PLCL1: variants seen among roughly 807,000 people sequenced by gnomAD.
The protein encoded by PLCL1 is inactive phospholipase C-like protein 1.
A neutral mutation model predicts 84.4 loss-of-function variants in PLCL1; 41 were observed. The ratio of observed to expected loss-of-function variants is 0.49; its 90% confidence interval spans 0.38 to 0.63. The LOEUF is 0.63. Ranked by LOEUF, PLCL1 falls within the 30% of genes least tolerant of loss-of-function variation. The pLI is 0.00. For missense variants in PLCL1, 1,206 were observed against 1,367.8 expected, an observed-to-expected ratio of 0.88 and a Z score of 1.87; for synonymous variants, 490 against 488.3, an observed-to-expected ratio of 1.00 and a Z score of -0.05.
chr2:198,030,732 G>A (rs1029543059), intron 1 of PLCL1, among the ~76,000 whole-genome samples: 2 of 152,162 alleles, frequency 1.3e-5, no homozygotes. Flanking sequence ...GCAGCATAGA[G>A]AGCTTAGTGG....
chr2:198,136,273 A>T (rs1694254316), intron 5 of PLCL1, among the ~76,000 whole-genome samples: 1 of 152,134 alleles, frequency 6.6e-6, no homozygotes, highest in South Asian at 2.1e-4. Flanking sequence ...AAGAATTTAG[A>T]GGTATTATCT....
intron 1 of PLCL1, among the ~76,000 whole-genome samples, chr2:197,927,049 G>A (rs1574952840): frequency 6.6e-6 from 1 of 152,310 alleles, no homozygotes; most frequent in East Asian, 1.9e-4. Flanking sequence ...TTCCAAGAGT[G>A]AGTGCTCAAA....
chr2:197,873,728 A>C (rs1331856820), intron 1 of PLCL1, among the ~76,000 whole-genome samples: 1 of 152,160 alleles, frequency 6.6e-6, no homozygotes, highest in Non-Finnish European at 1.5e-5. Context: ...CCTCACCAAT[A>C]TATCAGGCCA....
intron 1 of PLCL1, among the ~76,000 whole-genome samples, chr2:197,855,028 T>C (rs1005635397): frequency 2.0e-5 from 3 of 152,210 alleles, no homozygotes; most frequent in Non-Finnish European, 4.4e-5. Flanking sequence ...CTTGTGTTAG[T>C]TGAGGCCCTC....
intron 1 of PLCL1, among the ~76,000 whole-genome samples, chr2:197,853,053 A>G (rs1369475804): frequency 2.0e-5 from 3 of 152,064 alleles, no homozygotes; most frequent in East Asian, 1.9e-4. Context: ...GGTGGCCACT[A>G]TTCTGCTTTC....
intron 3 of PLCL1, among the ~76,000 whole-genome samples, chr2:198,094,802 A>G (rs531097252): frequency 6.6e-6 from 1 of 152,204 alleles, no homozygotes; most frequent in East Asian, 1.9e-4. Flanking sequence ...AAAGAATTGC[A>G]ATTTGCTTAC....
intron 1 of PLCL1, among the ~76,000 whole-genome samples, chr2:197,885,319 C>T (rs1270851653): frequency 6.6e-6 from 1 of 152,050 alleles, no homozygotes; most frequent in Non-Finnish European, 1.5e-5. Flanking sequence ...AGTCTGAGTC[C>T]GAAGGCTGAG....
chr2:197,877,584 A>C (rs1687758789), intron 1 of PLCL1, among the ~76,000 whole-genome samples: 1 of 152,140 alleles, frequency 6.6e-6, no homozygotes, highest in South Asian at 2.1e-4. Context: ...ATATTTTACC[A>C]AGTGAATGGT....
At chr2:198,047,335 C>G (rs1691830917) in intron 1 of PLCL1, among the ~76,000 whole-genome samples, 1 of 152,128 alleles carries the variant, frequency 6.6e-6, no homozygotes, top group Non-Finnish European at 1.5e-5. Context: ...AGGTGCACGC[C>G]ACCAGGCCCA....
chr2:198,148,290 A>G lies in PLCL1; in HGVS notation c.*1328A>G, dbSNP rs557815411. 3.3e-5 allele frequency: 5 copies of G among 152,496 alleles called. No individual in the cohort carries two copies. The South Asian group carries it at 1.0e-3, about 32-fold the overall frequency. The allele number at this position is 152,496 out of a possible 1,614,324, so 9.4% of individuals were successfully genotyped here. ...AATTTGGGGAAACCTAGAGAAGATA[A>G]TTGTTGAAATTTTGCAAATATAAAC... is the stretch of plus-strand genomic sequence containing the variant. On this transcript the variant is annotated 3_prime_UTR_variant, in exon 6 of 6. Coordinates refer to ENST00000428675, the MANE Select transcript of PLCL1 (RefSeq NM_006226.4).
intron 1 of PLCL1, among the ~76,000 whole-genome samples, chr2:197,976,742 C>T (rs1391226915): frequency 1.3e-5 from 2 of 152,156 alleles, no homozygotes; most frequent in Admixed American, 6.5e-5. Flanking sequence ...CCACTGTGCC[C>T]GGCCAAAGAA....
intron 1 of PLCL1, among the ~76,000 whole-genome samples, chr2:198,034,379 A>G (rs996715843): frequency 1.3e-5 from 2 of 152,232 alleles, no homozygotes; most frequent in Admixed American, 6.5e-5. Flanking sequence ...TACTGGGTAT[A>G]TACCCAAAGG....
At chr2:197,876,022 C>G (rs1020499783) in intron 1 of PLCL1, among the ~76,000 whole-genome samples, 1 of 152,150 alleles carries the variant, frequency 6.6e-6, no homozygotes, top group Non-Finnish European at 1.5e-5. Context: ...TTCCCCAAAA[C>G]TTGGACTCCC....
chr2:198,146,839 C>G lies in PLCL1; in HGVS notation c.3165C>G (p.Ile1055Met). ...AAGCTATAGAAAACATGAAGCAGAT[C>G]CAGCTGGCATGCCTGTCCTGTGGAC... Reference protein sequence around the residue: ...KNEAIENMKQIQLACLSCGLS... With the variant: ...KNEAIENMKQMQLACLSCGLS... Residue 1055 changes from isoleucine (I) to methionine (M), a missense_variant, in exon 6 of 6, where the codon ATC (isoleucine) becomes ATG (methionine). Ile to Met is a conservative substitution (Grantham distance 10). Coordinates refer to ENST00000428675, the MANE Select transcript of PLCL1 (RefSeq NM_006226.4). 1 of 1,613,494 alleles carries G rather than the reference C, an allele frequency of 6.2e-7. No individual in the cohort carries two copies. Among genetic ancestry groups the G allele is most frequent in the Non-Finnish European group, 8.5e-7 (1 of 1,179,654 alleles).
chr2:198,075,665 C>T lies in PLCL1; in HGVS notation c.241-8093C>T, dbSNP rs116514575. Among the ~76,000 whole-genome samples, 454 of 152,296 alleles carry T rather than the reference C, an allele frequency of 3.0e-3. 2 individuals are homozygous for T. The highest frequency in any genetic ancestry group is 0.01 in the African/African-American group (425 of 41,562). On this transcript the variant is annotated intron_variant, in intron 1 of 5. Coordinates refer to ENST00000428675, the MANE Select transcript of PLCL1 (RefSeq NM_006226.4). ...TAATAGGCCTCATCAGCCTTTTATGCTCCCTTGTGGGCTTGGCTCATGAAC... is the reference window on the plus strand; with the variant it reads ...TAATAGGCCTCATCAGCCTTTTATGTTCCCTTGTGGGCTTGGCTCATGAAC...
intron 4 of PLCL1, among the ~76,000 whole-genome samples, chr2:198,102,108 C>T (rs776857343): frequency 1.3e-4 from 20 of 152,024 alleles, no homozygotes; most frequent in Non-Finnish European, 1.9e-4. Context: ...TATCAACACG[C>T]GGTGGAGCTG....
At chr2:197,843,267 G>T (rs1332165721) in intron 1 of PLCL1, among the ~76,000 whole-genome samples, 2 of 152,122 alleles carry the variant, frequency 1.3e-5, no homozygotes, top group African/African-American at 2.4e-5. Context: ...TGCATTAGTG[G>T]GGCATTGCCC....
chr2:198,038,049 A>AAAAC (rs1025692772), intron 1 of PLCL1, among the ~76,000 whole-genome samples: 2 of 152,206 alleles, frequency 1.3e-5, no homozygotes, highest in African/African-American at 4.8e-5. Flanking sequence ...ACATTTAAAT[A>AAAAC]AAACATGTGA....
intron 5 of PLCL1, among the ~76,000 whole-genome samples, chr2:198,143,432 T>C (rs947739856): frequency 2.0e-5 from 3 of 152,112 alleles, no homozygotes; most frequent in African/African-American, 7.2e-5. Flanking sequence ...GGCCCCAGGG[T>C]TGGGGACACC....
Sources: allele counts gnomAD v4.1 joint callset (sites outside exome capture counted in the v4.1 genomes callset), GRCh38; gene constraint gnomAD v4.1.1; transcripts MANE v1.5; gene names NCBI Gene and HGNC (gene_info 2026-07-23, HGNC 2026-07-21).